The following ARMH3 variants were observed in gnomAD, a reference collection of about 807,000 sequenced individuals.
ARMH3 encodes armadillo-like helical domain-containing protein 3.
ARMH3 carries 60 observed loss-of-function variants against 99.1 expected under a neutral mutation model. The observed-to-expected ratio is 0.61, with a 90% CI of 0.49 to 0.75. The LOEUF (loss-of-function observed/expected upper bound fraction) is 0.75. ARMH3 is among the 30% of genes least tolerant of loss of function. ARMH3 has a pLI of 0.00. For missense variants in ARMH3, 679 were observed against 843.1 expected (o/e 0.81, Z 2.41); for synonymous variants, 285 against 292.8 (o/e 0.97, Z 0.27).
chr10:101,981,584 G>A (rs1846235407), intron 19 of ARMH3, among the ~76,000 whole-genome samples: 1 of 152,162 alleles, frequency 6.6e-6, no homozygotes, highest in Admixed American at 6.5e-5. Flanking sequence ...CGAATAATAA[G>A]CCTCCATTGC....
At position 101,847,766 on chromosome 10, in the gene ARMH3, C is replaced by G. The variant is rs928946771; in HGVS notation, c.1978-146G>C. ...GAAATGAACCCTTAACAGCTATTAT[C>G]CCTGCAGGCAAATGAGCAAACAGTT... On this transcript the variant is annotated intron_variant, in intron 25 of 25. Transcript: ENST00000370033. 5.6e-6 allele frequency: 4 copies of G among 709,516 alleles called. No homozygotes were observed. The South Asian group carries it at 6.8e-5, about 12-fold the overall frequency. 44.0% of individuals were successfully genotyped at this position (709,516 alleles called of 1,614,324 possible).
chr10:101,961,836 G>A (rs1208651969), intron 20 of ARMH3, among the ~76,000 whole-genome samples: 1 of 152,220 alleles, frequency 6.6e-6, no homozygotes, highest in African/African-American at 2.4e-5. Flanking sequence ...ATAAGGGGAT[G>A]ATTGCATAAA....
At chr10:101,908,572 T>A (rs899448744) in intron 23 of ARMH3, among the ~76,000 whole-genome samples, 1 of 152,088 alleles carries the variant, frequency 6.6e-6, no homozygotes, top group Non-Finnish European at 1.5e-5. Context: ...TAAAATCATA[T>A]CAGTTGAAAA....
At position 102,045,013 on chromosome 10, in the gene ARMH3, G is replaced by A. The variant is rs977014547; in HGVS notation, c.-11-4888C>T. On this transcript the variant is annotated intron_variant, in intron 1 of 25. Coordinates refer to ENST00000370033, the MANE Select transcript of ARMH3 (RefSeq NM_024541.3). Reference sequence around the variant, plus strand: ...TAGACAGGCGTGATGGCGGGAGCCTGTAATCCCAGATACTCGGGACGCTGA... The same window carrying A: ...TAGACAGGCGTGATGGCGGGAGCCTATAATCCCAGATACTCGGGACGCTGA... 2.6e-5 allele frequency among the ~76,000 whole-genome samples: 4 copies of A among 151,242 alleles called. No homozygotes were observed. In the East Asian group the frequency reaches 7.9e-4, roughly 30 times the overall value.
chr10:101,972,975 A>C (rs777631390), intron 20 of ARMH3, among the ~76,000 whole-genome samples: 3 of 152,232 alleles, frequency 2.0e-5, no homozygotes, highest in Non-Finnish European at 4.4e-5. Flanking sequence ...CACAGAATAA[A>C]GAATGGCCTT....
intron 24 of ARMH3, among the ~76,000 whole-genome samples, chr10:101,875,038 T>C (rs1200476330): frequency 6.6e-6 from 1 of 152,178 alleles, no homozygotes; most frequent in East Asian, 1.9e-4. Flanking sequence ...TGGCACAGCG[T>C]ACATACTTCT....
chr10:101,938,026 G>C (rs532725173), intron 23 of ARMH3, among the ~76,000 whole-genome samples: 1 of 152,044 alleles, frequency 6.6e-6, no homozygotes, highest in South Asian at 2.1e-4. Flanking sequence ...ACCATGCCCA[G>C]CTAATCTTTG....
chr10:102,037,583 C>T (rs1417580454), intron 2 of ARMH3, among the ~76,000 whole-genome samples: 8 of 151,068 alleles, frequency 5.3e-5, no homozygotes, highest in Admixed American at 5.3e-4. Flanking sequence ...TATTTATTTA[C>T]TTATTTTAGA....
chr10:101,973,553 C>T (rs1008833129), intron 20 of ARMH3, among the ~76,000 whole-genome samples: 7 of 151,902 alleles, frequency 4.6e-5, no homozygotes, highest in African/African-American at 1.7e-4. Flanking sequence ...AGGAGAATAA[C>T]AGGAAGCCCT....
chr10:101,919,463 C>G (rs193058375), intron 23 of ARMH3, among the ~76,000 whole-genome samples: 1 of 152,256 alleles, frequency 6.6e-6, no homozygotes, highest in African/African-American at 2.4e-5. Context: ...GCTCACAGCA[C>G]TTTATAAGCC....
chr10:102,025,813 GT>G (rs889504337), intron 5 of ARMH3, among the ~76,000 whole-genome samples: 8 of 151,016 alleles, frequency 5.3e-5, no homozygotes, highest in African/African-American at 1.9e-4. Flanking sequence ...CCACACCCAG[GT>G]TTTTTTTTCT....
At chr10:101,869,561 AC>A (rs1409395704) in intron 24 of ARMH3, among the ~76,000 whole-genome samples, 2 of 152,234 alleles carry the variant, frequency 1.3e-5, no homozygotes, top group Non-Finnish European at 2.9e-5. Flanking sequence ...AACACAACCT[AC>A]CAAAATTTGT....
At chr10:101,913,582 T>A (rs766318713) in intron 23 of ARMH3, among the ~76,000 whole-genome samples, 1 of 151,542 alleles carries the variant, frequency 6.6e-6, no homozygotes, top group Non-Finnish European at 1.5e-5. Context: ...CCAGGGCTGA[T>A]CTCAAACTCC....
intron 24 of ARMH3, among the ~76,000 whole-genome samples, chr10:101,886,425 G>A (rs1282431064): frequency 3.3e-5 from 5 of 150,940 alleles, no homozygotes; most frequent in East Asian, 1.9e-4. Flanking sequence ...CAGGAGAATC[G>A]CTTGAACCCA....
Position 101,847,569 on chromosome 10 carries a change from T to C in ARMH3, c.2029A>G (p.Ser677Gly), listed in dbSNP as rs374133901. 2.2e-5 allele frequency: 35 copies of C among 1,613,984 alleles called. No individual in the cohort carries two copies. The highest frequency in any genetic ancestry group is 1.6e-4 in the Middle Eastern group (1 of 6,084). The change falls in exon 26 of 26, where the codon AGC becomes GGC. Residue 677 changes from serine to glycine, a missense_variant. This residue lies in a region of ARMH3 where 389 missense variants were observed against 456.5 expected (regional missense o/e 0.85). Transcript: ENST00000370033. ...AACTCCTTGAGCAGGACTTCTTGGC[T>C]GAGTGTGTGGAAGGCCAGGTTTCTC... is the stretch of plus-strand genomic sequence containing the variant. ...VRRNLAFHTL[S>G]QEVLLKEFST...
intron 25 of ARMH3, among the ~76,000 whole-genome samples, 163 bp from the exon 26 acceptor site, chr10:101,847,783 CA>C (rs2066496997): frequency 6.6e-6 from 1 of 152,204 alleles, no homozygotes; most frequent in Non-Finnish European, 1.5e-5. Flanking sequence ...GGCAAATGAG[CA>C]AACAGTTCCT....
intron 24 of ARMH3, among the ~76,000 whole-genome samples, chr10:101,878,884 C>T (rs1326159916): frequency 1.3e-5 from 2 of 151,812 alleles, no homozygotes; most frequent in African/African-American, 4.8e-5. Flanking sequence ...GTAGAAGAAA[C>T]TTTATTTCTC....
chr10:101,978,601 C>A (rs1846105096), intron 19 of ARMH3, among the ~76,000 whole-genome samples: 1 of 151,926 alleles, frequency 6.6e-6, no homozygotes, highest in Non-Finnish European at 1.5e-5. Context: ...AATTTCAGAC[C>A]AGCCTGGGGA....
At chr10:102,039,859 G>A (rs1167066708) in intron 2 of ARMH3, among the ~76,000 whole-genome samples, 154 bp downstream of exon 2, 1 of 152,158 alleles carries the variant, frequency 6.6e-6, no homozygotes, top group Non-Finnish European at 1.5e-5. Context: ...TCTCTACTCT[G>A]ACAGCTTTCA....
Sources: allele counts gnomAD v4.1 joint callset (sites outside exome capture counted in the v4.1 genomes callset), GRCh38; gene constraint gnomAD v4.1.1; regional missense constraint gnomAD v4.1.1; transcripts MANE v1.5; gene names NCBI Gene and HGNC (gene_info 2026-07-23, HGNC 2026-07-21).